The following PCDHGA4 variants were observed in gnomAD, a reference collection of about 807,000 sequenced individuals.
PCDHGA4 encodes the protein protocadherin gamma-A4.
A neutral mutation model predicts 54.6 loss-of-function variants in PCDHGA4; 38 were observed. The observed-to-expected ratio is 0.70, with a 90% confidence interval of 0.54 to 0.91. PCDHGA4 has a LOEUF of 0.91. Among genes scored for constraint, PCDHGA4 ranks in the 40% least tolerant of loss-of-function variants. The pLI is 0.00. For synonymous variants in PCDHGA4, 511 were observed against 512.9 expected, an observed-to-expected ratio of 1.00 and a Z score of 0.05; for missense variants, 1,298 against 1,220.9, an observed-to-expected ratio of 1.06 and a Z score of -0.94.
intron 1 of PCDHGA4, among the ~76,000 whole-genome samples, chr5:141,445,447 A>G (rs974383838): frequency 3.4e-4 from 51 of 152,222 alleles, no homozygotes; most frequent in Admixed American, 1.3e-3. Flanking sequence ...TGGACTAAGG[A>G]TGCAGCAATG....
chr5:141,414,958 G>T, intron 1 of PCDHGA4: 2 of 1,614,024 alleles, frequency 1.2e-6, no homozygotes, highest in East Asian at 2.2e-5. Context: ...GGTGACCAAG[G>T]TGGTGGCGGT....
In PCDHGA4 at chr5:141,375,395, A is replaced by T. The variant is rs571734136; in HGVS notation, c.2514+17774A>T. 1.2e-6 allele frequency: 2 copies of T among 1,613,932 alleles called. No individual in the cohort carries two copies. The highest frequency in any genetic ancestry group is 2.2e-5 in the South Asian group (2 of 91,080). ...ACCACCTCTGTCTACAGAAACAATC[A>T]TCTCTCTAAATGTGGCAGACACCAA... On this transcript the variant is annotated intron_variant, in intron 1 of 3. Coordinates refer to ENST00000571252, the MANE Select transcript of PCDHGA4 (RefSeq NM_018917.4).
intron 1 of PCDHGA4, among the ~76,000 whole-genome samples, chr5:141,492,474 G>T (rs2099741007): frequency 6.6e-6 from 1 of 152,218 alleles, no homozygotes; most frequent in African/African-American, 2.4e-5. Context: ...CCCAGATCGC[G>T]GCCGCCCAGG....
chr5:141,399,529 G>T (rs946281582), intron 1 of PCDHGA4: 3 of 1,614,010 alleles, frequency 1.9e-6, no homozygotes, highest in Non-Finnish European at 2.5e-6. Flanking sequence ...GGCCTCCATC[G>T]CGCAAGTCTG....
rs530356030 is a variant in PCDHGA4 at position 141,426,463 on chromosome 5, GATTT to G, written c.2515-68340_2515-68337del. 309 of 318,428 alleles carry G rather than the reference GATTT, an allele frequency of 9.7e-4. 2 individuals are homozygous for G. Among genetic ancestry groups the G allele is most frequent in the Non-Finnish European group, 1.6e-3 (252 of 160,518 alleles). 19.7% of individuals were successfully genotyped at this position (318,428 alleles called of 1,614,324 possible). A position where few individuals can be genotyped will look rare whatever the true frequency, so the allele number is the denominator to read the frequency against. ...GGAGGACATGCGGCTGCATGTTCAGGATTTATTGACCTGAAACCTTAGAGTTAGT... is the reference window on the plus strand; with the variant it reads ...GGAGGACATGCGGCTGCATGTTCAGGATTGACCTGAAACCTTAGAGTTAGT... On this transcript the variant is annotated intron_variant, in intron 1 of 3. Transcript: ENST00000571252.
intron 3 of PCDHGA4, among the ~76,000 whole-genome samples, chr5:141,510,329 A>T (rs1433056614): frequency 2.7e-5 from 4 of 150,230 alleles, no homozygotes; most frequent in Admixed American, 2.7e-4. Flanking sequence ...AGCACTCTTC[A>T]CCCCCACCCC....
intron 1 of PCDHGA4, among the ~76,000 whole-genome samples, chr5:141,380,801 AT>A (rs1776749377): frequency 6.6e-6 from 1 of 152,258 alleles, no homozygotes; most frequent in Non-Finnish European, 1.5e-5. Context: ...TAAGAAACAA[AT>A]GTGAGATGAA....
chr5:141,431,960 T>C lies in PCDHGA4; in HGVS notation c.2515-62847T>C. On this transcript the variant is annotated intron_variant, in intron 1 of 3. Transcript: ENST00000571252. This position sits in a 1 kb window ranked among gnomAD's most constrained non-coding sequence, Gnocchi z 4.8. ...TAAATTAGAAAAATCTTACGGAAAT[T>C]ACTATAGTTTAGTCACAGACATAGT... The C allele has an allele frequency of 3.7e-6, 6 of 1,614,166 alleles. No individual in the cohort carries two copies. Among genetic ancestry groups the C allele is most frequent in the Non-Finnish European group, 5.1e-6 (6 of 1,180,034 alleles).
At chr5:141,362,746 G>A (rs1247089931) in intron 1 of PCDHGA4, 1 of 702,364 alleles carries the variant, frequency 1.4e-6, no homozygotes, top group East Asian at 2.7e-5. Flanking sequence ...ACCCATGATT[G>A]CAAACCTTTA....
At chr5:141,392,357 C>T (rs980934647) in intron 1 of PCDHGA4, 1 of 152,638 alleles carries the variant, frequency 6.6e-6, no homozygotes, top group Admixed American at 6.5e-5. Flanking sequence ...TAATCCGATG[C>T]TACAATCTGA....
intron 1 of PCDHGA4, among the ~76,000 whole-genome samples, chr5:141,481,655 T>A (rs933683728): frequency 1.3e-5 from 2 of 152,054 alleles, no homozygotes; most frequent in African/African-American, 4.8e-5. Flanking sequence ...TCATCTCTAC[T>A]AATAATACAA....
chr5:141,415,400 C>G (rs754292889), intron 1 of PCDHGA4: 3 of 1,614,110 alleles, frequency 1.9e-6, no homozygotes, highest in Non-Finnish European at 2.5e-6. Context: ...GTGTCCGGCT[C>G]GCACTTTGTG....
intron 1 of PCDHGA4, among the ~76,000 whole-genome samples, chr5:141,406,621 A>G (rs2094831746): frequency 6.6e-6 from 1 of 152,172 alleles, no homozygotes; most frequent in African/African-American, 2.4e-5. Flanking sequence ...TTTTATTCTC[A>G]TATCTTCAAA....
intron 1 of PCDHGA4, among the ~76,000 whole-genome samples, chr5:141,475,629 C>T (rs77593456): frequency 0.054 from 8,157 of 152,234 alleles, 446 homozygotes; most frequent in African/African-American, 0.15. Flanking sequence ...TGGTTCGATC[C>T]CCTTTCTTGT....
chr5:141,452,587 A>G (rs1171400700), intron 1 of PCDHGA4, among the ~76,000 whole-genome samples: 1 of 151,948 alleles, frequency 6.6e-6, no homozygotes, highest in Non-Finnish European at 1.5e-5. Context: ...CCATCTTTGT[A>G]TTTTTATTTT....
At chr5:141,398,071 G>C in intron 1 of PCDHGA4, 1 of 1,587,000 alleles carries the variant, frequency 6.3e-7, no homozygotes, top group South Asian at 1.1e-5. Context: ...ACAATACAGA[G>C]GTTATTTGTA....
chr5:141,463,097 C>A (rs1333118215), intron 1 of PCDHGA4, among the ~76,000 whole-genome samples: 2 of 152,152 alleles, frequency 1.3e-5, no homozygotes, highest in East Asian at 3.8e-4. Context: ...CCCTATGTGA[C>A]CATCAAGAAT....
intron 1 of PCDHGA4, chr5:141,409,876 C>A: frequency 6.2e-7 from 1 of 1,612,874 alleles, no homozygotes. Flanking sequence ...GCAATGACAA[C>A]GCACCGCGGG....
chr5:141,365,834 T>C (rs980364147), intron 1 of PCDHGA4: 8 of 1,613,928 alleles, frequency 5.0e-6, no homozygotes, highest in South Asian at 1.1e-5. Flanking sequence ...GGCGCCCTTG[T>C]CCTCCTATGT....
Sources: gnomAD v4.1 joint callset for allele counts (sites outside exome capture counted in the v4.1 genomes callset) on GRCh38, gnomAD v4.1.1 for gene constraint, Gnocchi (gnomAD v3.1) non-coding constraint, MANE v1.5 for transcripts, NCBI Gene and HGNC (gene_info 2026-07-23, HGNC 2026-07-21) for gene names.